CSRNP3: variants seen among roughly 807,000 people sequenced by gnomAD.
CSRNP3 encodes cysteine and serine rich nuclear protein 3.
A neutral mutation model predicts 48.0 loss-of-function variants in CSRNP3; 12 were observed. The observed-to-expected ratio is 0.25, with a 90% CI of 0.16 to 0.41. CSRNP3 has a LOEUF of 0.41. Among genes scored for constraint, CSRNP3 ranks in the 10% least tolerant of loss-of-function variants. The pLI is 1.00. For synonymous variants in CSRNP3, 263 were observed against 269.7 expected, an observed-to-expected ratio of 0.98 and a Z score of 0.24; for missense variants, 580 against 724.4, an observed-to-expected ratio of 0.80 and a Z score of 2.29.
intron 2 of CSRNP3, among the ~76,000 whole-genome samples, chr2:165,515,669 T>A (rs941102902): frequency 3.3e-5 from 5 of 151,982 alleles, no homozygotes; most frequent in African/African-American, 1.2e-4. Context: ...AGAAATTACA[T>A]TTAATAAGGA....
In CSRNP3 at chr2:165,603,335, C is replaced by G. The variant is rs555001247; in HGVS notation, c.148+8122C>G. ...ATAGAACTGATCAGCTTTGTGTTTC[C>G]TTGAGCACTCTGACCTGGATTCCTT... On this transcript the variant is annotated intron_variant, in intron 4 of 6. Coordinates refer to ENST00000651982, the MANE Select transcript of CSRNP3 (RefSeq NM_001172173.2). 2.0e-5 allele frequency among the ~76,000 whole-genome samples: 3 copies of G among 152,204 alleles called. No homozygotes were observed. In the East Asian group the frequency reaches 5.8e-4, roughly 29 times the overall value.
At chr2:165,659,172 G>A (rs1293133817) in intron 5 of CSRNP3, among the ~76,000 whole-genome samples, 4 of 152,190 alleles carry the variant, frequency 2.6e-5, no homozygotes, top group African/African-American at 2.4e-5. Flanking sequence ...AAGTGGTGTT[G>A]AGACGGGATG....
intron 5 of CSRNP3, among the ~76,000 whole-genome samples, chr2:165,675,288 T>C (rs1434019389): frequency 2.0e-5 from 3 of 152,146 alleles, no homozygotes; most frequent in African/African-American, 4.8e-5. Context: ...TTAATAAATT[T>C]TAGGAAGTGA....
intron 4 of CSRNP3, among the ~76,000 whole-genome samples, chr2:165,649,922 A>T (rs775887301): frequency 6.6e-6 from 1 of 152,122 alleles, no homozygotes; most frequent in Non-Finnish European, 1.5e-5. Context: ...CCCCTACATC[A>T]TGCCCATTGT....
At chr2:165,565,742 C>G (rs1685288800) in intron 3 of CSRNP3, among the ~76,000 whole-genome samples, 1 of 151,962 alleles carries the variant, frequency 6.6e-6, no homozygotes, top group African/African-American at 2.4e-5. Flanking sequence ...AAGGAGAAAT[C>G]TAATTTATTT....
intron 4 of CSRNP3, among the ~76,000 whole-genome samples, chr2:165,596,158 C>A (rs1159073130): frequency 7.0e-6 from 1 of 143,874 alleles, no homozygotes; most frequent in Non-Finnish European, 1.5e-5. Context: ...TTTTTTTTGC[C>A]ACATTGTAAT....
chr2:165,628,355 T>C (rs1686473899), intron 4 of CSRNP3, among the ~76,000 whole-genome samples: 1 of 152,208 alleles, frequency 6.6e-6, no homozygotes, highest in Admixed American at 6.5e-5. Flanking sequence ...AGGTTTTCAA[T>C]TGCTTTCTGT....
At chr2:165,470,459 T>C (rs750561026) in intron 1 of CSRNP3, among the ~76,000 whole-genome samples, 15 of 152,130 alleles carry the variant, frequency 9.9e-5, no homozygotes, top group Admixed American at 7.9e-4. Flanking sequence ...TAAACATTGC[T>C]GTAAAAAATA....
At chr2:165,634,562 G>A (rs1309637790) in intron 4 of CSRNP3, among the ~76,000 whole-genome samples, 1 of 151,928 alleles carries the variant, frequency 6.6e-6, no homozygotes, top group Non-Finnish European at 1.5e-5. Flanking sequence ...ACAGACTCCA[G>A]AAAAAATAAA....
At chr2:165,628,034 A>T (rs1170575244) in intron 4 of CSRNP3, among the ~76,000 whole-genome samples, 1 of 152,236 alleles carries the variant, frequency 6.6e-6, no homozygotes, top group Admixed American at 6.5e-5. Context: ...ATGAAGCCAT[A>T]GTTGAATTCC....
At chr2:165,533,279 A>C (rs995496625) in intron 3 of CSRNP3, among the ~76,000 whole-genome samples, 1 of 152,124 alleles carries the variant, frequency 6.6e-6, no homozygotes, top group African/African-American at 2.4e-5. Flanking sequence ...ATATGGCATG[A>C]ATAACAGTTG....
intron 3 of CSRNP3, among the ~76,000 whole-genome samples, chr2:165,551,082 A>G (rs1685090084): frequency 2.0e-5 from 3 of 151,968 alleles, no homozygotes; most frequent in East Asian, 1.9e-4. Context: ...TTCTTACGCT[A>G]TCATTCTTTG....
At chr2:165,619,384 A>G (rs1263495914) in intron 4 of CSRNP3, among the ~76,000 whole-genome samples, 1 of 151,982 alleles carries the variant, frequency 6.6e-6, no homozygotes, top group Non-Finnish European at 1.5e-5. Flanking sequence ...AGTCATATTG[A>G]CTCTTTTTGC....
At chr2:165,605,047 T>C (rs1055886441) in intron 4 of CSRNP3, among the ~76,000 whole-genome samples, 6 of 152,218 alleles carry the variant, frequency 3.9e-5, no homozygotes, top group Non-Finnish European at 4.4e-5. Flanking sequence ...CTCTTTCTCC[T>C]GGACTGCTGC....
chr2:165,655,475 G>A (rs1283062829), intron 4 of CSRNP3, among the ~76,000 whole-genome samples: 3 of 152,126 alleles, frequency 2.0e-5, no homozygotes, highest in Admixed American at 1.3e-4. Context: ...CAGCACATGG[G>A]AAACACTCCA....
intron 4 of CSRNP3, among the ~76,000 whole-genome samples, chr2:165,628,740 A>C (rs1686482870): frequency 1.3e-5 from 2 of 151,780 alleles, no homozygotes; most frequent in African/African-American, 2.4e-5. Flanking sequence ...AAAATAAATC[A>C]GTATCCTGTG....
chr2:165,487,819 C>T (rs967644189), intron 1 of CSRNP3, among the ~76,000 whole-genome samples: 28 of 149,410 alleles, frequency 1.9e-4, no homozygotes, highest in African/African-American at 4.0e-4. Flanking sequence ...AAGGAACAAC[C>T]GGTACCAGCC....
chr2:165,666,082 A>G (rs1226528312), intron 5 of CSRNP3, among the ~76,000 whole-genome samples: 6 of 114,792 alleles, frequency 5.2e-5, no homozygotes, highest in South Asian at 3.4e-4. Context: ...GAGAGAGAGA[A>G]AGGAAGGAAG....
intron 4 of CSRNP3, among the ~76,000 whole-genome samples, chr2:165,643,785 A>G (rs1232645159): frequency 6.6e-6 from 1 of 152,182 alleles, no homozygotes; most frequent in Non-Finnish European, 1.5e-5. Flanking sequence ...CGTATGTCTC[A>G]TCACCATTAC....
Sources: gnomAD v4.1 joint callset for allele counts (sites outside exome capture counted in the v4.1 genomes callset) on GRCh38, gnomAD v4.1.1 for gene constraint, MANE v1.5 for transcripts, NCBI Gene and HGNC (gene_info 2026-07-23, HGNC 2026-07-21) for gene names.